Variants in NCR1 observed in about 807,000 individuals in gnomAD.
NCR1 encodes natural cytotoxicity triggering receptor 1.
Under a neutral mutation model 32.5 loss-of-function variants are expected in NCR1, and 30 were observed. The observed-to-expected ratio is 0.92, with a 90% CI of 0.69 to 1.25. NCR1 has a LOEUF of 1.25. NCR1 is among the 50% of genes most tolerant of loss of function. The pLI is 0.00. For missense variants in NCR1, 369 were observed against 380.7 expected (o/e 0.97, Z 0.26); for synonymous variants, 169 against 143.4 (o/e 1.18, Z -1.28).
At chr19:54,899,258 T>C in the NCR1 span, among the ~76,000 whole-genome samples, 1 of 152,142 alleles carries the variant, frequency 6.6e-6, no homozygotes, top group African/African-American at 2.4e-5. Context: ...AAGTTTGTAT[T>C]GGGGTCAAGC....
chr19:54,922,819 CACAT>C, the NCR1 span, among the ~76,000 whole-genome samples: 1 of 144,770 alleles, frequency 6.9e-6, no homozygotes, highest in Non-Finnish European at 1.5e-5. Context: ...AACAGAGAGA[CACAT>C]ACAAAGACAG....
chr19:54,928,515 C>T, the NCR1 span, among the ~76,000 whole-genome samples: 2 of 151,960 alleles, frequency 1.3e-5, no homozygotes, highest in Non-Finnish European at 2.9e-5. Context: ...GCAGACATCT[C>T]GATATGTTCT....
chr19:54,921,684 C>T, the NCR1 span, among the ~76,000 whole-genome samples: 1 of 147,440 alleles, frequency 6.8e-6, no homozygotes, highest in African/African-American at 2.5e-5. Flanking sequence ...GGACAGAAGA[C>T]TCACTTGAAC....
At chr19:54,921,546 C>T in the NCR1 span, among the ~76,000 whole-genome samples, 5 of 151,984 alleles carry the variant, frequency 3.3e-5, no homozygotes, top group South Asian at 1.0e-3. Context: ...CCAAGGCGGG[C>T]AGATCACCTG....
intron 5 of NCR1, 55 bp downstream of exon 5, chr19:54,910,120 C>A: frequency 6.5e-7 from 1 of 1,534,680 alleles, no homozygotes; most frequent in Non-Finnish European, 9.0e-7. Flanking sequence ...CCCAGTGACA[C>A]TAAAAACGTG....
At chr19:54,906,501 C>G in intron 2 of NCR1, 22 bp from the exon 3 acceptor site, 1 of 1,601,620 alleles carries the variant, frequency 6.2e-7, no homozygotes, top group Non-Finnish European at 8.5e-7. Context: ...CGCTGGAACT[C>G]CAGCCTCTGA....
chr19:54,902,084 C>T (rs1197365532), upstream of NCR1, among the ~76,000 whole-genome samples: 1 of 152,158 alleles, frequency 6.6e-6, no homozygotes, highest in Non-Finnish European at 1.5e-5. Flanking sequence ...ATAGATCAGA[C>T]AATAGTGTCA....
the NCR1 span, among the ~76,000 whole-genome samples, chr19:54,928,305 G>C: frequency 6.6e-5 from 10 of 152,140 alleles, no homozygotes; most frequent in Non-Finnish European, 1.3e-4. Flanking sequence ...AGAGGCAGGA[G>C]AATCGCCTGA....
In NCR1 at chr19:54,912,690, A is replaced by G. The variant is rs1457006934; in HGVS notation, c.734A>G (p.Asp245Gly). 4.4e-6 allele frequency: 7 copies of G among 1,598,866 alleles called. No individual in the cohort carries two copies. In the South Asian group the frequency reaches 7.7e-5, roughly 18 times the overall value. Residue 245 changes from aspartate (D) to glycine (G), a missense_variant and splice_region_variant, in exon 7 of 7, where the codon GAC (aspartate) becomes GGC (glycine). By Grantham distance (94) the Asp-to-Gly change is moderately conservative (BLOSUM62 -1). Coordinates refer to ENST00000291890, the MANE Select transcript of NCR1 (RefSeq NM_004829.7). Reference sequence around the variant, plus strand: ...GATCACCCTGTTCTCCTGCCTACAGACCATGCCCTCTGGGATCACACTGCC... The same window carrying G: ...GATCACCCTGTTCTCCTGCCTACAGGCCATGCCCTCTGGGATCACACTGCC... ...LLTTETGLQKDHALWDHTAQN... is the reference protein window; with the variant it reads ...LLTTETGLQKGHALWDHTAQN...
At chr19:54,927,557 AAAAAAC>A in the NCR1 span, 2 of 1,553,262 alleles carry the variant, frequency 1.3e-6, no homozygotes, top group Non-Finnish European at 1.7e-6. Context: ...CTCCATCTCA[AAAAAAC>A]AAAAACAAAA....
chr19:54,930,373 A>G, the NCR1 span: 400,017 of 698,762 alleles, frequency 0.57, 115,851 homozygotes, highest in East Asian at 0.72. Flanking sequence ...GAGGTGGGAG[A>G]ACCGATCAAG....
chr19:54,923,836 C>T, the NCR1 span: 3 of 1,614,050 alleles, frequency 1.9e-6, no homozygotes, highest in Non-Finnish European at 1.7e-6. Flanking sequence ...CCTCCAACAG[C>T]TTCTTGATTT....
downstream of NCR1, among the ~76,000 whole-genome samples, chr19:54,913,518 T>C (rs949091906): frequency 3.9e-5 from 6 of 152,244 alleles, no homozygotes; most frequent in African/African-American, 1.4e-4. Context: ...CTTTGGTCTT[T>C]TTTTCTTTCC....
the NCR1 span, among the ~76,000 whole-genome samples, chr19:54,921,548 G>A: frequency 3.9e-5 from 6 of 152,168 alleles, no homozygotes; most frequent in African/African-American, 9.6e-5. Flanking sequence ...AAGGCGGGCA[G>A]ATCACCTGAG....
the NCR1 span, chr19:54,934,398 CACGTGGGTGGCG>C: frequency 1.5e-6 from 2 of 1,327,318 alleles, no homozygotes; most frequent in South Asian, 2.3e-5. The surrounding 1 kb of genome is among the most constrained non-coding windows in gnomAD (Gnocchi z 6.7). Context: ...CAAGAGGCGC[CACGTGGGTGGCG>C]CAGTAAGTCA....
chr19:54,911,041 G>A (rs943587835), intron 5 of NCR1, among the ~76,000 whole-genome samples: 9 of 152,012 alleles, frequency 5.9e-5, no homozygotes, highest in South Asian at 2.1e-4. Flanking sequence ...GGCCTGGGGC[G>A]CACGGCTAGG....
the NCR1 span, among the ~76,000 whole-genome samples, chr19:54,899,006 A>G: frequency 3.3e-5 from 5 of 152,108 alleles, no homozygotes; most frequent in East Asian, 9.7e-4. Context: ...TCTGTAGAAA[A>G]GGAAGATTAG....
At chr19:54,899,085 C>G in the NCR1 span, among the ~76,000 whole-genome samples, 1 of 151,934 alleles carries the variant, frequency 6.6e-6, no homozygotes, top group Non-Finnish European at 1.5e-5. Flanking sequence ...AGATTTGGGA[C>G]GAGTTGCACT....
intron 5 of NCR1, 69 bp from the exon 6 acceptor site, chr19:54,912,099 C>T: frequency 7.3e-7 from 1 of 1,367,640 alleles, no homozygotes; most frequent in Non-Finnish European, 1.0e-6. Context: ...TGGGGTAGAC[C>T]CAAGGGAAGG....
Sources: gnomAD v4.1 joint callset for allele counts (sites outside exome capture counted in the v4.1 genomes callset) on GRCh38, gnomAD v4.1.1 for gene constraint, Gnocchi (gnomAD v3.1) non-coding constraint, MANE v1.5 for transcripts, NCBI Gene and HGNC (gene_info 2026-07-23, HGNC 2026-07-21) for gene names.